ZNF619: variants seen among roughly 807,000 people sequenced by gnomAD.
ZNF619 encodes the protein zinc finger protein 619.
ZNF619 carries 9 observed loss-of-function variants against 14.2 expected under a neutral mutation model. That is an observed-to-expected ratio of 0.64 (90% CI 0.38 to 1.11). The LOEUF is 1.11. ZNF619 is among the 50% of genes least tolerant of loss of function. The pLI, the probability that ZNF619 is intolerant of heterozygous loss-of-function variation, is 0.01. For synonymous variants in ZNF619, 246 were observed against 252.8 expected, an observed-to-expected ratio of 0.97 and a Z score of 0.26; for missense variants, 659 against 680.1, an observed-to-expected ratio of 0.97 and a Z score of 0.34.
chr3:40,480,860 G>A (rs1265575573), intron 2 of ZNF619, among the ~76,000 whole-genome samples: 1 of 152,192 alleles, frequency 6.6e-6, no homozygotes, highest in Non-Finnish European at 1.5e-5. Context: ...AGTACAAAGA[G>A]AAGGTTGTTG....
rs777365875 is a variant in ZNF619 at position 40,488,276 on chromosome 3, AG to A, written c.*36del. 2.2e-5 allele frequency: 23 copies of A among 1,036,318 alleles called. No homozygotes were observed. The highest frequency in any genetic ancestry group is 1.9e-4 in the Admixed American group (9 of 48,298). The allele number at this position is 1,036,318 out of a possible 1,614,324, so 64.2% of individuals were successfully genotyped here. Reference sequence around the variant, plus strand: ...CGTTCTCAAAATCCTTTGCACCTCAAGTTAGGGATTCCACTGGTCTCCTGAT... The same window carrying A: ...CGTTCTCAAAATCCTTTGCACCTCAATTAGGGATTCCACTGGTCTCCTGAT... On this transcript the variant is annotated 3_prime_UTR_variant, in exon 5 of 5. Transcript: ENST00000432264.
At chr3:40,479,197 G>A (rs1697302336) in intron 2 of ZNF619, among the ~76,000 whole-genome samples, 1 of 152,122 alleles carries the variant, frequency 6.6e-6, no homozygotes, top group African/African-American at 2.4e-5. Context: ...AGCTAGAAGA[G>A]GAGCTGCCCA....
At chr3:40,478,402 CACAGTACACAAAGAAAA>C (rs1357020145) in intron 2 of ZNF619, among the ~76,000 whole-genome samples, 1 of 152,112 alleles carries the variant, frequency 6.6e-6, no homozygotes, top group Admixed American at 6.6e-5. Flanking sequence ...AGTCTGCGTT[CACAGTACACAAAGAAAA>C]GCCATTTCTG....
At chr3:40,480,341 G>C (rs1435139166) in intron 2 of ZNF619, among the ~76,000 whole-genome samples, 3 of 152,114 alleles carry the variant, frequency 2.0e-5, no homozygotes, top group Non-Finnish European at 4.4e-5. Flanking sequence ...TCTGATTACT[G>C]TATAGTTACT....
At position 40,490,755 on chromosome 3, in the gene ZNF619, TA is replaced by T. The variant is rs1200531832; in HGVS notation, c.*2520del. On this transcript the variant is annotated 3_prime_UTR_variant, in exon 5 of 5. Transcript: ENST00000432264. The stretch of plus-strand genomic sequence containing the variant: ...AATATAGTGTCTAATATGTATAACA[TA>T]AAAAATATGTGTTAATCGACTGTTT... Among the ~76,000 whole-genome samples the T allele has an allele frequency of 3.3e-5, 5 of 152,312 alleles. No homozygotes were observed. The highest frequency in any genetic ancestry group is 2.1e-4 in the South Asian group (1 of 4,830).
In ZNF619 at chr3:40,488,062, C is replaced by A; in HGVS notation, c.1552C>A (p.Pro518Thr). 6.2e-7 allele frequency: 1 copy of A among 1,614,212 alleles called. No homozygotes were observed. The highest frequency in any genetic ancestry group is 8.5e-7 in the Non-Finnish European group (1 of 1,180,024). Residue 518 changes from proline (P) to threonine (T), a missense_variant, in exon 5 of 5, where the codon CCT (proline) becomes ACT (threonine). Pro to Thr is a conservative substitution (Grantham distance 38). Transcript: ENST00000432264. Reference protein sequence around the residue: ...HTCSALAPPGPPLSSSHAVVL... With the variant: ...HTCSALAPPGTPLSSSHAVVL... ...CTGCTCTGCCCTAGCCCCACCAGGGCCTCCCTTATCTTCTTCACATGCAGT... is the reference window on the plus strand; with the variant it reads ...CTGCTCTGCCCTAGCCCCACCAGGGACTCCCTTATCTTCTTCACATGCAGT...
At chr3:40,479,352 G>A (rs1575261871) in intron 2 of ZNF619, among the ~76,000 whole-genome samples, 1 of 152,196 alleles carries the variant, frequency 6.6e-6, no homozygotes, top group African/African-American at 2.4e-5. Flanking sequence ...AAAGAAAGGG[G>A]GTACACACAC....
chr3:40,482,339 A>G (rs766626991), intron 3 of ZNF619: 31 of 1,554,706 alleles, frequency 2.0e-5, no homozygotes, highest in Non-Finnish European at 2.6e-5. Context: ...TCTTGGCCCT[A>G]TTGCCTATGT....
intron 4 of ZNF619, among the ~76,000 whole-genome samples, chr3:40,483,153 A>G (rs1406481968): frequency 3.9e-5 from 6 of 152,206 alleles, no homozygotes; most frequent in Non-Finnish European, 8.8e-5. Context: ...AGGTTGCAGT[A>G]AGCTAGGATC....
intron 2 of ZNF619, among the ~76,000 whole-genome samples, chr3:40,478,245 G>A (rs546846943): frequency 6.6e-6 from 1 of 152,194 alleles, no homozygotes; most frequent in African/African-American, 2.4e-5. Context: ...AGAACTGAAA[G>A]TGTGGCCTGG....
At chr3:40,485,649 C>CTGTGTG (rs71618940) in intron 4 of ZNF619, among the ~76,000 whole-genome samples, 126 of 148,938 alleles carry the variant, frequency 8.5e-4, no homozygotes, top group African/African-American at 2.8e-3. Context: ...TCGGTTTCAG[C>CTGTGTG]TGTGTGTGTG....
In ZNF619 at chr3:40,482,650, G is replaced by A. The variant is rs1188176963; in HGVS notation, c.241G>A (p.Gly81Ser). 2 of 1,614,038 alleles carry A rather than the reference G, an allele frequency of 1.2e-6. No individual in the cohort carries two copies. Among genetic ancestry groups the A allele is most frequent in the African/African-American group, 2.7e-5 (2 of 74,918 alleles). ...GCTGGAGCAAGGAGAAGCAGCATGG[G>A]GCCCAGATCCCTGGACACTTGCTGG... The part of the protein sequence containing the change: ...FQLEQGEAAW[G>S]PDPWTLAGGE... Residue 81 changes from glycine to serine, a missense_variant, in exon 4 of 5, where the codon GGC becomes AGC. Gly to Ser is a moderately conservative substitution (Grantham distance 56). Transcript: ENST00000432264.
At chr3:40,484,117 G>C (rs1170501233) in intron 4 of ZNF619, among the ~76,000 whole-genome samples, 2 of 152,088 alleles carry the variant, frequency 1.3e-5, no homozygotes, top group African/African-American at 4.8e-5. Flanking sequence ...GTAGAGACAG[G>C]GTTTCACCAT....
Position 40,488,262 on chromosome 3 carries a change from TC to T in ZNF619, c.*23del. Reference sequence around the variant, plus strand: ...TGTAAGCCCCGTCACGTTCTCAAAATCCTTTGCACCTCAAGTTAGGGATTCC... The same window carrying T: ...TGTAAGCCCCGTCACGTTCTCAAAATCTTTGCACCTCAAGTTAGGGATTCC... On this transcript the variant is annotated 3_prime_UTR_variant, in exon 5 of 5. Transcript: ENST00000432264. The T allele has an allele frequency of 8.1e-7, 1 of 1,232,398 alleles. No individual in the cohort carries two copies. Among genetic ancestry groups the T allele is most frequent in the Middle Eastern group, 1.9e-4 (1 of 5,132 alleles). The allele number at this position is 1,232,398 out of a possible 1,614,324, so 76.3% of individuals were successfully genotyped here.
At chr3:40,485,826 C>T (rs1323352681) in intron 4 of ZNF619, among the ~76,000 whole-genome samples, 1 of 152,158 alleles carries the variant, frequency 6.6e-6, no homozygotes, top group Non-Finnish European at 1.5e-5. Context: ...AGCATGATCC[C>T]CATACCCCCG....
At chr3:40,477,664 A>G (rs1575259672) in intron 1 of ZNF619, 2 of 352,106 alleles carry the variant, frequency 5.7e-6, no homozygotes, top group East Asian at 5.8e-5. Flanking sequence ...TTTTTAAAAA[A>G]CAGCCACGAA....
intron 2 of ZNF619, 146 bp downstream of exon 2, chr3:40,478,149 GA>G (rs929424175): frequency 1.9e-5 from 14 of 722,796 alleles, no homozygotes; most frequent in Non-Finnish European, 3.2e-5. Flanking sequence ...GGGAGTTGAC[GA>G]ACGAGAGTAG....
In ZNF619 at chr3:40,487,511, A is replaced by T; in HGVS notation, c.1001A>T (p.His334Leu). Residue 334 changes from histidine (H) to leucine (L), a missense_variant, in exon 5 of 5, where the codon CAT becomes CTT. Transcript: ENST00000432264. ...AFSCSYDCIIHERIHNGEKPY... is the reference protein window; with the variant it reads ...AFSCSYDCIILERIHNGEKPY... ...AGTTGTAGCTATGACTGCATCATCC[A>T]TGAACGAATTCACAATGGGGAGAAG... 6.2e-7 allele frequency: 1 copy of T among 1,614,198 alleles called. No homozygotes were observed. The highest frequency in any genetic ancestry group is 1.3e-5 in the African/African-American group (1 of 75,060).
At chr3:40,482,136 C>G (rs1697421086) in intron 3 of ZNF619, 120 bp downstream of exon 3, 1 of 1,550,166 alleles carries the variant, frequency 6.5e-7, no homozygotes, top group Non-Finnish European at 8.7e-7. Context: ...GCTGAGCTCC[C>G]TAATCCCCAG....
Sources: gnomAD v4.1 joint callset for allele counts (sites outside exome capture counted in the v4.1 genomes callset) on GRCh38, gnomAD v4.1.1 for gene constraint, MANE v1.5 for transcripts, NCBI Gene and HGNC (gene_info 2026-07-23, HGNC 2026-07-21) for gene names.